The following LMX1A variants were observed in gnomAD, a reference collection of about 807,000 sequenced individuals.
LMX1A encodes LIM homeobox transcription factor 1-alpha.
LMX1A carries 15 observed loss-of-function variants against 49.1 expected under a neutral mutation model. The ratio of observed to expected loss-of-function variants is 0.31; its 90% CI spans 0.20 to 0.47. The LOEUF (loss-of-function observed/expected upper bound fraction) is 0.47, where lower values mean the gene tolerates loss of function less well. Among genes scored for constraint, LMX1A ranks in the 20% least tolerant of loss-of-function variants. LMX1A has a pLI of 1.00. For synonymous variants in LMX1A, 167 were observed against 185.7 expected, an observed-to-expected ratio of 0.90 and a Z score of 0.82; for missense variants, 372 against 475.8, an observed-to-expected ratio of 0.78 and a Z score of 2.03.
At chr1:165,227,374 C>T (rs1652071908) in intron 4 of LMX1A, among the ~76,000 whole-genome samples, 1 of 152,064 alleles carries the variant, frequency 6.6e-6, no homozygotes, top group South Asian at 2.1e-4. Context: ...CCCATCTCTA[C>T]TAAAAACAAT....
chr1:165,313,400 G>T (rs1655128441), intron 3 of LMX1A, among the ~76,000 whole-genome samples: 1 of 149,664 alleles, frequency 6.7e-6, no homozygotes, highest in Non-Finnish European at 1.5e-5. Flanking sequence ...GCCAAAATCT[G>T]CCTGGTGTCA....
chr1:165,307,305 T>TCAAATATTAC (rs1654944992), intron 3 of LMX1A, among the ~76,000 whole-genome samples: 1 of 152,332 alleles, frequency 6.6e-6, no homozygotes, highest in South Asian at 2.1e-4. Context: ...GCTCTGTCCA[T>TCAAATATTAC]CAAATATTAC....
chr1:165,329,668 G>A (rs1261780557), intron 3 of LMX1A, among the ~76,000 whole-genome samples: 2 of 131,204 alleles, frequency 1.5e-5, no homozygotes, highest in Non-Finnish European at 3.2e-5. Flanking sequence ...GGGTGAATAA[G>A]AGGTTAAAAA....
chr1:165,246,782 T>G (rs1429127558), intron 4 of LMX1A, among the ~76,000 whole-genome samples: 1 of 111,788 alleles, frequency 8.9e-6, no homozygotes, highest in African/African-American at 3.6e-5. Context: ...GATATGGTTT[T>G]GGGACCTCCC....
Position 165,353,102 on chromosome 1 carries a change from C to T in LMX1A, c.237G>A (p.Lys79=). The change falls in exon 3 of 9, where the codon AAG becomes AAA. Residue 79 remains lysine (K), a synonymous_variant. Transcript: ENST00000342310. ...LETTCFYRDK[K]LYCKYDYEKL... ...TCTCGTAGTCATACTTGCAGTACAG[C>T]TTCTTGTCCCGGTAGAAGCAGGTGG... The T allele has an allele frequency of 6.2e-7, 1 of 1,614,214 alleles. No individual in the cohort carries two copies.
intron 3 of LMX1A, among the ~76,000 whole-genome samples, chr1:165,330,784 C>G (rs182867876): frequency 3.3e-5 from 5 of 152,256 alleles, no homozygotes; most frequent in Admixed American, 1.3e-4. Context: ...GTAAACACAG[C>G]AGCTAGAAAG....
chr1:165,220,253 G>A lies in LMX1A; in HGVS notation c.497-6440C>T, dbSNP rs555656094. ...AGTATATTAAAGTGTAAGTAGTTAAGTTCTTCAGGCATAGTAAAAACTGAA... is the reference window on the plus strand; with the variant it reads ...AGTATATTAAAGTGTAAGTAGTTAAATTCTTCAGGCATAGTAAAAACTGAA... On this transcript the variant is annotated intron_variant, in intron 4 of 8. Transcript: ENST00000342310. Among the ~76,000 whole-genome samples the A allele has an allele frequency of 2.6e-5, 4 of 152,086 alleles. No individual in the cohort carries two copies. The South Asian group carries it at 8.3e-4, about 32-fold the overall frequency.
At chr1:165,324,078 G>A (rs1238433969) in intron 3 of LMX1A, among the ~76,000 whole-genome samples, 1 of 152,220 alleles carries the variant, frequency 6.6e-6, no homozygotes, top group Non-Finnish European at 1.5e-5. Flanking sequence ...CCATGAGAAA[G>A]GTGAAAATAA....
chr1:165,275,950 G>C (rs74118544), intron 3 of LMX1A, among the ~76,000 whole-genome samples: 2,409 of 151,738 alleles, frequency 0.016, 60 homozygotes, highest in African/African-American at 0.054. Flanking sequence ...ACTGGGGCTA[G>C]GCAAGGAGAT....
chr1:165,228,912 G>A (rs1652144323), intron 4 of LMX1A, among the ~76,000 whole-genome samples: 1 of 152,106 alleles, frequency 6.6e-6, no homozygotes, highest in Non-Finnish European at 1.5e-5. Flanking sequence ...TTGCAGAGCT[G>A]CTCTTCAATT....
intron 7 of LMX1A, among the ~76,000 whole-genome samples, chr1:165,206,451 T>C (rs1036870906): frequency 6.6e-6 from 1 of 152,178 alleles, no homozygotes; most frequent in Non-Finnish European, 1.5e-5. Flanking sequence ...GTAGATAGAA[T>C]TTTATAAGAA....
chr1:165,295,214 A>G (rs534106261), intron 3 of LMX1A, among the ~76,000 whole-genome samples: 52 of 152,026 alleles, frequency 3.4e-4, no homozygotes, highest in Non-Finnish European at 6.6e-4. Context: ...GAAGCAGATT[A>G]TAAAATAAGA....
intron 3 of LMX1A, among the ~76,000 whole-genome samples, chr1:165,308,531 AT>A (rs1336578422): frequency 6.6e-6 from 1 of 152,180 alleles, no homozygotes; most frequent in Non-Finnish European, 1.5e-5. Flanking sequence ...CTTTAATATA[AT>A]TTTTTAAAAC....
intron 3 of LMX1A, among the ~76,000 whole-genome samples, chr1:165,275,250 C>T (rs1199071899): frequency 6.6e-6 from 1 of 152,182 alleles, no homozygotes; most frequent in Non-Finnish European, 1.5e-5. Context: ...GCTGGAGCCT[C>T]TATCAGGCAA....
intron 4 of LMX1A, chr1:165,219,181 G>A (rs1205627815): frequency 6.6e-6 from 1 of 152,240 alleles, no homozygotes; most frequent in African/African-American, 2.4e-5. Context: ...CCCAGCCATG[G>A]TTTATGGCTC....
chr1:165,247,028 T>C (rs1321581225), intron 4 of LMX1A, among the ~76,000 whole-genome samples: 1 of 143,954 alleles, frequency 6.9e-6, no homozygotes, highest in Non-Finnish European at 1.5e-5. Flanking sequence ...AATCTGTAAA[T>C]GTTACTTAGA....
intron 3 of LMX1A, among the ~76,000 whole-genome samples, chr1:165,336,781 C>T (rs1655910665): frequency 2.0e-5 from 3 of 152,204 alleles, no homozygotes; most frequent in Admixed American, 1.3e-4. Flanking sequence ...AATGCCTATC[C>T]TATTCCAGGC....
chr1:165,337,098 A>T (rs1191440307), intron 3 of LMX1A, among the ~76,000 whole-genome samples: 1 of 152,202 alleles, frequency 6.6e-6, no homozygotes, highest in Non-Finnish European at 1.5e-5. Context: ...TTCCATCTTG[A>T]ATATAATCAC....
At chr1:165,228,509 A>C (rs1452802000) in intron 4 of LMX1A, among the ~76,000 whole-genome samples, 1 of 152,200 alleles carries the variant, frequency 6.6e-6, no homozygotes, top group Non-Finnish European at 1.5e-5. Context: ...CCCCAGGATG[A>C]TTTAGTTCTT....
Sources: gnomAD v4.1 joint callset for allele counts (sites outside exome capture counted in the v4.1 genomes callset) on GRCh38, gnomAD v4.1.1 for gene constraint, MANE v1.5 for transcripts, NCBI Gene and HGNC (gene_info 2026-07-23, HGNC 2026-07-21) for gene names.